COL4A3: variants seen among roughly 807,000 people sequenced by gnomAD.
The protein encoded by COL4A3 is collagen alpha-3(IV) chain.
COL4A3 carries 135 observed loss-of-function variants against 217.4 expected under a neutral mutation model. The ratio of observed to expected loss-of-function variants is 0.62; its 90% CI spans 0.54 to 0.72. COL4A3 has a LOEUF of 0.72. COL4A3 is among the 30% of genes least tolerant of loss of function. The probability of loss-of-function intolerance (pLI) is 0.00; values close to 1 mark genes in which losing one functional copy is unlikely to be tolerated. For missense variants in COL4A3, 1,868 were observed against 2,119.9 expected (o/e 0.88, Z 2.33); for synonymous variants, 690 against 736.3 (o/e 0.94, Z 1.02).
chr2:227,194,071 AGTAAGGAG>A lies in COL4A3; in HGVS notation c.87+29259_87+29266del, dbSNP rs1225809414. Among the ~76,000 whole-genome samples the A allele has an allele frequency of 2.1e-3, 174 of 81,208 alleles. 1 individual carries two copies. The highest frequency in any genetic ancestry group is 3.0e-3 in the Non-Finnish European group (114 of 37,766). The allele number at this position is 81,208 out of a possible 152,430, so 53.3% of individuals were successfully genotyped here. A position where few individuals can be genotyped will look rare whatever the true frequency, so the allele number is the denominator to read the frequency against. ...AGAAGGAGAGGAGAAGGAGAAGGGA[AGTAAGGAG>A]AGAGGGAGGGAGGAAAGAAGGAAGG... On this transcript the variant is annotated intron_variant, in intron 1 of 51. Coordinates refer to ENST00000396578, the MANE Select transcript of COL4A3 (RefSeq NM_000091.5).
At chr2:227,179,328 TTAAG>T (rs2065796321) in intron 1 of COL4A3, among the ~76,000 whole-genome samples, 2 of 152,200 alleles carry the variant, frequency 1.3e-5, no homozygotes, top group South Asian at 2.1e-4. Flanking sequence ...ATTTAAGTAA[TTAAG>T]TAATATATGA....
At position 227,249,226 on chromosome 2, in the gene COL4A3, A is replaced by ATTTTTT. The variant is rs1225037194; in HGVS notation, c.546+707_546+708insTTTTTT. 4.5e-4 allele frequency among the ~76,000 whole-genome samples: 11 copies of ATTTTTT among 24,210 alleles called. No homozygotes were observed. In the East Asian group the frequency reaches 0.01, roughly 22 times the overall value. The allele number at this position is 24,210 out of a possible 152,430, so 15.9% of individuals were successfully genotyped here. A position where few individuals can be genotyped will look rare whatever the true frequency, so the allele number is the denominator to read the frequency against. On this transcript the variant is annotated intron_variant, in intron 9 of 51. Transcript: ENST00000396578. ...AAAATTAGCTAGTATATATATATAT[A>ATTTTTT]TATATTTTTTTTTTTTTTTTTTTTT...
At chr2:227,183,175 T>C (rs941043808) in intron 1 of COL4A3, among the ~76,000 whole-genome samples, 17 of 152,174 alleles carry the variant, frequency 1.1e-4, no homozygotes, top group Admixed American at 2.0e-4. Context: ...TACTTTTTGT[T>C]TCTAAAATCA....
intron 1 of COL4A3, among the ~76,000 whole-genome samples, chr2:227,226,155 C>T (rs1393959698): frequency 1.3e-5 from 2 of 152,170 alleles, no homozygotes; most frequent in Non-Finnish European, 2.9e-5. Flanking sequence ...GTGGCCATTG[C>T]TCTTATATTG....
intron 1 of COL4A3, among the ~76,000 whole-genome samples, chr2:227,200,151 C>T (rs1478801509): frequency 6.6e-6 from 1 of 151,922 alleles, no homozygotes; most frequent in African/African-American, 2.4e-5. Flanking sequence ...TATGATATTT[C>T]TTTTTGTGAT....
chr2:227,304,259 G>A, intron 46 of COL4A3, 115 bp downstream of exon 46: 2 of 1,375,648 alleles, frequency 1.5e-6, no homozygotes, highest in Non-Finnish European at 2.0e-6. Flanking sequence ...ACATGATAGT[G>A]GTTTTCACAA....
chr2:227,251,258 A>G lies in COL4A3; in HGVS notation c.609+56A>G, dbSNP rs535443848. 6 of 1,581,182 alleles carry G rather than the reference A, an allele frequency of 3.8e-6. No individual in the cohort carries two copies. In the East Asian group the frequency reaches 1.2e-4, roughly 30 times the overall value. On this transcript the variant is annotated intron_variant, in intron 10 of 51. Transcript: ENST00000396578. ...CTGTCAACTAATAGATTCATTATTTATTATTAAAAAGTTATTAAAAGAATT... is the reference window on the plus strand; with the variant it reads ...CTGTCAACTAATAGATTCATTATTTGTTATTAAAAAGTTATTAAAAGAATT...
rs1331156059 is a variant in COL4A3, at chr2:227,309,064, C to T, written c.4628C>T (p.Pro1543Leu). The change falls in exon 49 of 52, where the codon CCT becomes CTT. Residue 1543 changes from proline to leucine, a missense_variant. Coordinates refer to ENST00000396578, the MANE Select transcript of COL4A3 (RefSeq NM_000091.5). ...CCCATTACTGGCAGAGCCCTTGAGCCTTATATAAGCAGGTAAAAATCCAAT... is the reference window on the plus strand; with the variant it reads ...CCCATTACTGGCAGAGCCCTTGAGCTTTATATAAGCAGGTAAAAATCCAAT... ...MAPITGRALE[P>L]YISRCTVCEG... is the part of the protein sequence containing the mutation. 1.2e-6 allele frequency: 2 copies of T among 1,614,066 alleles called. No homozygotes were observed. Among genetic ancestry groups the T allele is most frequent in the African/African-American group, 1.3e-5 (1 of 74,924 alleles).
At chr2:227,293,157 A>G (rs1159607093) in intron 37 of COL4A3, 34 bp from the exon 38 acceptor site, 9 of 1,613,168 alleles carry the variant, frequency 5.6e-6, no homozygotes, top group Admixed American at 5.0e-5. Context: ...TCCTGCTTAT[A>G]TGAGAATTTT....
At position 227,272,995 on chromosome 2, in the gene COL4A3, G is replaced by C; in HGVS notation, c.1805G>C (p.Gly602Ala). 6.2e-7 allele frequency: 1 copy of C among 1,614,062 alleles called. No homozygotes were observed. Among genetic ancestry groups the C allele is most frequent in the Non-Finnish European group, 8.5e-7 (1 of 1,179,984 alleles). ...KGDQGPPGDP[G>A]SPGSPGPAGP... Reference sequence around the variant, plus strand: ...GACCAAGGTCCTCCAGGGGATCCTGGCTCCCCTGGGTCCCCAGGACCTGCA... The same window carrying C: ...GACCAAGGTCCTCCAGGGGATCCTGCCTCCCCTGGGTCCCCAGGACCTGCA... Residue 602 changes from glycine to alanine, a missense_variant, in exon 26 of 52, where the codon GGC becomes GCC. Coordinates refer to ENST00000396578, the MANE Select transcript of COL4A3 (RefSeq NM_000091.5).
In COL4A3 at chr2:227,164,817, A is replaced by T. The variant is rs1192990924; in HGVS notation, c.87+4A>T. ...GGCGGCGCCCGCAGCCAGCAAGGTG[A>T]GTGGGGGCTGCGCGACCCCCACCCC... On this transcript the variant is annotated splice_donor_region_variant and intron_variant, in intron 1 of 51. Transcript: ENST00000396578. This position sits in a 1 kb window ranked among gnomAD's most constrained non-coding sequence, Gnocchi z 4.8. The T allele has an allele frequency of 6.6e-7, 1 of 1,511,808 alleles. No homozygotes were observed. Among genetic ancestry groups the T allele is most frequent in the East Asian group, 2.6e-5 (1 of 38,394 alleles). The allele number at this position is 1,511,808 out of a possible 1,614,324, so 93.6% of individuals were successfully genotyped here.
In COL4A3 at chr2:227,259,810, A is replaced by C; in HGVS notation, c.1047A>C (p.Thr349=). 1 of 1,612,846 alleles carries C rather than the reference A, an allele frequency of 6.2e-7. No individual in the cohort carries two copies. Among genetic ancestry groups the C allele is most frequent in the Non-Finnish European group, 8.5e-7 (1 of 1,178,808 alleles). The change falls in exon 19 of 52, where the codon ACA becomes ACC. Residue 349 remains threonine (T), a synonymous_variant. Coordinates refer to ENST00000396578, the MANE Select transcript of COL4A3 (RefSeq NM_000091.5). ...GFRGPTEYYD[T]YQEKGDEGTP... is the part of the protein sequence containing the mutation. ...CCTCTAAGACAGAATATTATGACAC[A>C]TACCAGGAAAAGGGAGATGAAGGCA...
chr2:227,195,661 A>ATGTGTG (rs1186427522), intron 1 of COL4A3, among the ~76,000 whole-genome samples: 1 of 82,178 alleles, frequency 1.2e-5, no homozygotes. Flanking sequence ...CCACATATAT[A>ATGTGTG]TATATATGTG....
At chr2:227,269,850 C>A in intron 23 of COL4A3, 60 bp from the exon 24 acceptor site, 1 of 1,369,072 alleles carries the variant, frequency 7.3e-7, no homozygotes, top group South Asian at 1.2e-5. Context: ...CATTGTATTA[C>A]CCTGTCTACT....
intron 1 of COL4A3, among the ~76,000 whole-genome samples, chr2:227,232,059 T>C (rs1031052554): frequency 6.6e-6 from 1 of 152,172 alleles, no homozygotes; most frequent in Non-Finnish European, 1.5e-5. Flanking sequence ...GAATATACAA[T>C]GTTTGTCTTT....
rs750224588 is a variant in COL4A3, at chr2:227,263,960, G to A, written c.1315+16G>A. ...GGACCGCCAGGTAAAGATGTGGAAG[G>A]GGACCCCTTTTGTGCACAGTGCCAA... On this transcript the variant is annotated intron_variant, in intron 21 of 51. Transcript: ENST00000396578. 13 of 1,614,114 alleles carry A rather than the reference G, an allele frequency of 8.1e-6. No individual in the cohort carries two copies. Among genetic ancestry groups the A allele is most frequent in the Non-Finnish European group, 1.1e-5 (13 of 1,180,004 alleles).
chr2:227,183,700 C>T (rs527603121), intron 1 of COL4A3, among the ~76,000 whole-genome samples: 7 of 152,170 alleles, frequency 4.6e-5, no homozygotes, highest in Non-Finnish European at 1.0e-4. Flanking sequence ...CTACTTTCCC[C>T]TGACAATTAT....
At chr2:227,215,295 C>G (rs748242354) in intron 1 of COL4A3, among the ~76,000 whole-genome samples, 13 of 152,062 alleles carry the variant, frequency 8.5e-5, no homozygotes, top group Non-Finnish European at 1.5e-4. Flanking sequence ...CATTTTTAAT[C>G]ATTCTATGTA....
intron 21 of COL4A3, among the ~76,000 whole-genome samples, chr2:227,265,613 A>G (rs2070837389): frequency 6.6e-6 from 1 of 152,248 alleles, no homozygotes; most frequent in Admixed American, 6.5e-5. Context: ...AGCAACAAAG[A>G]GAAAACAGAT....
Sources: gnomAD v4.1 joint callset for allele counts (sites outside exome capture counted in the v4.1 genomes callset) on GRCh38, gnomAD v4.1.1 for gene constraint, Gnocchi (gnomAD v3.1) non-coding constraint, MANE v1.5 for transcripts, NCBI Gene and HGNC (gene_info 2026-07-23, HGNC 2026-07-21) for gene names.